Variants in ADAMTSL1 observed in about 807,000 individuals in gnomAD.
The protein encoded by ADAMTSL1 is ADAMTS like 1.
ADAMTSL1 carries 126 observed loss-of-function variants against 201.8 expected under a neutral mutation model. The ratio of observed to expected loss-of-function variants is 0.62; its 90% CI spans 0.54 to 0.72. The LOEUF (loss-of-function observed/expected upper bound fraction) is 0.72. ADAMTSL1 is among the 30% of genes least tolerant of loss of function. ADAMTSL1 has a pLI of 0.00. For missense variants in ADAMTSL1, 2,679 were observed against 2,277.8 expected, an observed-to-expected ratio of 1.18 and a Z score of -3.59; for synonymous variants, 1,121 against 903.4, an observed-to-expected ratio of 1.24 and a Z score of -4.32.
intron 1 of ADAMTSL1, among the ~76,000 whole-genome samples, chr9:18,099,493 C>T (rs1338721470): frequency 6.7e-6 from 1 of 149,172 alleles, no homozygotes; most frequent in Non-Finnish European, 1.5e-5. Context: ...GAAAATTTTA[C>T]AAATATAGTG....
chr9:18,871,959 G>A (rs1375259787), intron 23 of ADAMTSL1, among the ~76,000 whole-genome samples: 2 of 152,076 alleles, frequency 1.3e-5, no homozygotes, highest in African/African-American at 2.4e-5. Flanking sequence ...GGCCTTCAAG[G>A]CCCTCTCCAT....
At chr9:18,464,147 C>G (rs1161659808) in intron 2 of ADAMTSL1, among the ~76,000 whole-genome samples, 1 of 152,174 alleles carries the variant, frequency 6.6e-6, no homozygotes, top group Non-Finnish European at 1.5e-5. Context: ...CTTCTTGAGA[C>G]TATGTAGTGT....
Position 18,906,969 on chromosome 9 carries a change from AGAGCAGTCCCTGGGACCGACCCT to A in ADAMTSL1, c.5182+63_5182+85del, listed in dbSNP as rs1316327522. On this transcript the variant is annotated intron_variant, in intron 28 of 28. Coordinates refer to ENST00000380548, the MANE Select transcript of ADAMTSL1 (RefSeq NM_001040272.6). The stretch of plus-strand genomic sequence containing the variant: ...ATTCCCCATAGAGCATCGAGTGCAG[AGAGCAGTCCCTGGGACCGACCCT>A]GAGCATAGGGCATGGGGTCAGCTTC... The A allele has an allele frequency of 1.9e-6, 3 of 1,595,984 alleles. No individual in the cohort carries two copies. In the Admixed American group the frequency reaches 5.1e-5, roughly 27 times the overall value.
intron 1 of ADAMTSL1, among the ~76,000 whole-genome samples, chr9:17,992,149 C>G (rs1819181093): frequency 6.6e-6 from 1 of 152,066 alleles, no homozygotes; most frequent in Non-Finnish European, 1.5e-5. Context: ...AGAAAGAGAC[C>G]CTTTTCCCAC....
At chr9:18,696,038 T>C (rs947068852) in intron 13 of ADAMTSL1, among the ~76,000 whole-genome samples, 1 of 152,254 alleles carries the variant, frequency 6.6e-6, no homozygotes, top group South Asian at 2.1e-4. Flanking sequence ...TGATACACAC[T>C]TTTAAGCAAC....
At chr9:18,315,333 A>T (rs1586880023) in intron 2 of ADAMTSL1, among the ~76,000 whole-genome samples, 1 of 151,662 alleles carries the variant, frequency 6.6e-6, no homozygotes, top group East Asian at 2.0e-4. Flanking sequence ...ATCCCGCGCC[A>T]GGGTCGCAGG....
At chr9:18,350,290 A>C (rs1171327978) in intron 2 of ADAMTSL1, among the ~76,000 whole-genome samples, 1 of 152,026 alleles carries the variant, frequency 6.6e-6, no homozygotes, top group African/African-American at 2.4e-5. Flanking sequence ...CAGGTGCCTG[A>C]AGAGAGGTCT....
rs867200126 is a variant in ADAMTSL1 at position 18,678,403 on chromosome 9, C to T, written c.1137-1909C>T. Among the ~76,000 whole-genome samples the T allele has an allele frequency of 4.6e-5, 7 of 152,150 alleles. No homozygotes were observed. In the South Asian group the frequency reaches 1.2e-3, roughly 27 times the overall value. ...ACAAACATGTTTTACTTCAAGATTC[C>T]ACATAACCCTATTATTATACAAGTA... On this transcript the variant is annotated intron_variant, in intron 10 of 28. Transcript: ENST00000380548.
chr9:18,469,348 C>A (rs1484799908), upstream of ADAMTSL1, among the ~76,000 whole-genome samples: 2 of 152,214 alleles, frequency 1.3e-5, no homozygotes, highest in African/African-American at 2.4e-5. Context: ...TACTTTAATT[C>A]TCTATGCCTC....
intron 1 of ADAMTSL1, among the ~76,000 whole-genome samples, chr9:18,033,782 G>A (rs1327669643): frequency 6.6e-6 from 1 of 152,150 alleles, no homozygotes; most frequent in African/African-American, 2.4e-5. Flanking sequence ...TGCAGCCCTT[G>A]AGTATACCCA....
chr9:17,993,883 C>A (rs1819265288), intron 1 of ADAMTSL1, among the ~76,000 whole-genome samples: 1 of 152,072 alleles, frequency 6.6e-6, no homozygotes, highest in African/African-American at 2.4e-5. Flanking sequence ...GGTTAAAAAT[C>A]TAACATATCC....
At position 18,699,608 on chromosome 9, in the gene ADAMTSL1, G is replaced by A. The variant is rs537606644; in HGVS notation, c.1575-7139G>A. The stretch of plus-strand genomic sequence containing the variant: ...GCCTCCAAAAATGCTGGGATTACAA[G>A]TGTGAGCCATAGTGCCTGGCCACTT... On this transcript the variant is annotated intron_variant, in intron 13 of 28. Coordinates refer to ENST00000380548, the MANE Select transcript of ADAMTSL1 (RefSeq NM_001040272.6). 1.4e-4 allele frequency among the ~76,000 whole-genome samples: 21 copies of A among 152,282 alleles called. No individual in the cohort carries two copies. In the East Asian group the frequency reaches 4.1e-3, roughly 29 times the overall value.
Position 18,635,926 on chromosome 9 carries a change from G to C in ADAMTSL1, c.602-17G>C. 6.3e-7 allele frequency: 1 copy of C among 1,591,056 alleles called. No homozygotes were observed. The highest frequency in any genetic ancestry group is 8.5e-7 in the Non-Finnish European group (1 of 1,172,942). On this transcript the variant is annotated splice_polypyrimidine_tract_variant and intron_variant, in intron 5 of 28. Transcript: ENST00000380548. ...TCAAGTGACATGCTTTTAAGATTTT[G>C]CTTTGTTTCTCTCTAGCGGATGATA... is the stretch of plus-strand genomic sequence containing the variant.
At chr9:18,410,665 A>G (rs1381215468) in intron 2 of ADAMTSL1, among the ~76,000 whole-genome samples, 1 of 152,190 alleles carries the variant, frequency 6.6e-6, no homozygotes, top group Admixed American at 6.6e-5. Flanking sequence ...TATTGTAAAT[A>G]GTGCTACAAT....
intron 1 of ADAMTSL1, among the ~76,000 whole-genome samples, chr9:17,963,682 A>G (rs1361752260): frequency 6.6e-6 from 1 of 152,102 alleles, no homozygotes; most frequent in Non-Finnish European, 1.5e-5. Flanking sequence ...ATGTAACATC[A>G]AGTAGTGCAG....
chr9:17,947,475 A>T (rs911664839), intron 1 of ADAMTSL1, among the ~76,000 whole-genome samples: 1 of 152,098 alleles, frequency 6.6e-6, no homozygotes, highest in African/African-American at 2.4e-5. Flanking sequence ...TGTTTTTACT[A>T]GGATGCTGTA....
At position 18,908,161 on chromosome 9, in the gene ADAMTSL1, G is replaced by C. The variant is rs544258278; in HGVS notation, c.5183-281G>C. The C allele has an allele frequency of 4.4e-4, 200 of 454,090 alleles. 1 individual carries two copies. The highest frequency in any genetic ancestry group is 3.3e-3 in the African/African-American group (163 of 50,140). The allele number at this position is 454,090 out of a possible 1,614,324, so 28.1% of individuals were successfully genotyped here. On this transcript the variant is annotated intron_variant, in intron 28 of 28. Coordinates refer to ENST00000380548, the MANE Select transcript of ADAMTSL1 (RefSeq NM_001040272.6). The stretch of plus-strand genomic sequence containing the variant: ...AAGATAGAGAAAACAGGCACCTTCA[G>C]GAAGTAGAGGGAGCTGCAGAAAACA...
chr9:17,947,729 C>A (rs1402552972), intron 1 of ADAMTSL1, among the ~76,000 whole-genome samples: 2 of 152,100 alleles, frequency 1.3e-5, no homozygotes, highest in Admixed American at 1.3e-4. Context: ...CAACTGTTTG[C>A]AAATCTGTGC....
chr9:18,715,727 A>G (rs1832885590), intron 14 of ADAMTSL1, among the ~76,000 whole-genome samples: 1 of 152,020 alleles, frequency 6.6e-6, no homozygotes, highest in Non-Finnish European at 1.5e-5. Context: ...ACAGAATTGG[A>G]AAAAACTACT....
Sources: gnomAD v4.1 joint callset for allele counts (sites outside exome capture counted in the v4.1 genomes callset) on GRCh38, gnomAD v4.1.1 for gene constraint, MANE v1.5 for transcripts, NCBI Gene and HGNC (gene_info 2026-07-23, HGNC 2026-07-21) for gene names.